The following ITCH variants were observed in gnomAD, a reference collection of about 807,000 sequenced individuals.
The protein encoded by ITCH is itchy E3 ubiquitin protein ligase.
A neutral mutation model predicts 126.8 loss-of-function variants in ITCH; 28 were observed. The observed-to-expected ratio is 0.22, with a 90% confidence interval of 0.16 to 0.30. The LOEUF (loss-of-function observed/expected upper bound fraction) is 0.30. Ranked by LOEUF, ITCH falls within the 10% of genes least tolerant of loss-of-function variation. ITCH has a pLI of 1.00. For missense variants in ITCH, 631 were observed against 1,032.4 expected (o/e 0.61, Z 5.33); for synonymous variants, 342 against 340.0 (o/e 1.01, Z -0.06).
At chr20:34,472,501 G>A (rs982539223) in intron 16 of ITCH, among the ~76,000 whole-genome samples, 1 of 151,742 alleles carries the variant, frequency 6.6e-6, no homozygotes, top group African/African-American at 2.4e-5. Context: ...AAAATAACTA[G>A]TGAAAAAATG....
At chr20:34,395,156 C>T (rs1211679917) in intron 3 of ITCH, among the ~76,000 whole-genome samples, 2 of 151,146 alleles carry the variant, frequency 1.3e-5, no homozygotes, top group Admixed American at 6.6e-5. Context: ...TCACTTGAAC[C>T]TAGGAGGCGG....
At chr20:34,408,601 A>G in intron 3 of ITCH, 50 bp from the exon 4 acceptor site, 1 of 1,505,254 alleles carries the variant, frequency 6.6e-7, no homozygotes. Context: ...TGATTTCATG[A>G]GTGAATTAAC....
At chr20:34,409,951 G>A (rs6059816) in intron 4 of ITCH, among the ~76,000 whole-genome samples, 2 of 151,946 alleles carry the variant, frequency 1.3e-5, no homozygotes, top group Non-Finnish European at 2.9e-5. Context: ...GATTGTGTGA[G>A]GCCAGGAGTT....
In ITCH at chr20:34,412,604, A is replaced by T; in HGVS notation, c.302A>T (p.Asp101Val). The T allele has an allele frequency of 6.2e-7, 1 of 1,605,110 alleles. No individual in the cohort carries two copies. Among genetic ancestry groups the T allele is most frequent in the Non-Finnish European group, 8.5e-7 (1 of 1,171,996 alleles). ...SDVLLGTAAL[D>V]IYETLKSNNM... ...GTTTTGTTGGGAACTGCTGCATTAG[A>T]TATTTATGAAACATTAAAGTCAAAC... Residue 101 changes from aspartate to valine, a missense_variant, in exon 5 of 25, where the codon GAT (aspartate) becomes GTT (valine). Transcript: ENST00000374864.
At chr20:34,393,967 C>G (rs903485079) in intron 3 of ITCH, 86 bp downstream of exon 3, 1 of 1,285,004 alleles carries the variant, frequency 7.8e-7, no homozygotes, top group Non-Finnish European at 1.1e-6. Flanking sequence ...CATGGTGGCC[C>G]ATGCCTGTAA....
chr20:34,438,686 T>A (rs533431913), intron 8 of ITCH, 55 bp downstream of exon 8: 1 of 1,580,862 alleles, frequency 6.3e-7, no homozygotes, highest in Non-Finnish European at 8.7e-7. Context: ...TGGCAATTAA[T>A]CCTCAGGTAA....
chr20:34,410,434 G>A (rs1308427710), intron 4 of ITCH, among the ~76,000 whole-genome samples: 1 of 151,186 alleles, frequency 6.6e-6, no homozygotes, highest in Admixed American at 6.6e-5. Flanking sequence ...CGTATCATTC[G>A]GATGTTCCTC....
chr20:34,447,238 T>G (rs1984577182), intron 11 of ITCH, among the ~76,000 whole-genome samples: 1 of 151,656 alleles, frequency 6.6e-6, no homozygotes, highest in Admixed American at 6.6e-5. Context: ...CAATCCAATA[T>G]AATCTGAACA....
chr20:34,412,510 T>G lies in ITCH; in HGVS notation c.213-5T>G, dbSNP rs1601838672. 1 of 1,580,978 alleles carries G rather than the reference T, an allele frequency of 6.3e-7. No homozygotes were observed. Among genetic ancestry groups the G allele is most frequent in the Non-Finnish European group, 8.7e-7 (1 of 1,150,094 alleles). ...AATATTTTTTCCCTCTTTTTTCACTTTTAGTATCGTTACCCCTGTGAGTAA... is the reference window on the plus strand; with the variant it reads ...AATATTTTTTCCCTCTTTTTTCACTGTTAGTATCGTTACCCCTGTGAGTAA... On this transcript the variant is annotated splice_polypyrimidine_tract_variant and splice_region_variant and intron_variant, in intron 4 of 24. Transcript: ENST00000374864.
At chr20:34,369,024 C>A (rs1032590047) in intron 1 of ITCH, among the ~76,000 whole-genome samples, 1 of 152,158 alleles carries the variant, frequency 6.6e-6, no homozygotes, top group Non-Finnish European at 1.5e-5. Context: ...CGTTGCAGAT[C>A]TGATGTGTTT....
chr20:34,398,614 G>T (rs1440758177), intron 3 of ITCH, among the ~76,000 whole-genome samples: 1 of 152,130 alleles, frequency 6.6e-6, no homozygotes, highest in East Asian at 1.9e-4. Context: ...GGTCAGGCTG[G>T]TCTTGAACTC....
At chr20:34,439,836 T>A (rs1036048079) in intron 8 of ITCH, among the ~76,000 whole-genome samples, 1 of 152,184 alleles carries the variant, frequency 6.6e-6, no homozygotes, top group African/African-American at 2.4e-5. Flanking sequence ...ATAAATGAAC[T>A]TAAAATACCA....
chr20:34,444,489 A>G (rs1984180168), intron 10 of ITCH, among the ~76,000 whole-genome samples: 1 of 152,178 alleles, frequency 6.6e-6, no homozygotes, highest in Admixed American at 6.5e-5. Flanking sequence ...AGGCTGAGGC[A>G]GGAGAATCGC....
chr20:34,417,038 T>C (rs1979964134), intron 6 of ITCH: 44 of 547,258 alleles, frequency 8.0e-5, no homozygotes, highest in South Asian at 6.6e-4. Context: ...GCCTCCAGAG[T>C]AGCTAGGATT....
At chr20:34,417,288 G>A (rs1007038062) in intron 6 of ITCH, 10 of 468,428 alleles carry the variant, frequency 2.1e-5, no homozygotes, top group Non-Finnish European at 3.9e-5. Context: ...GTAGAGACAG[G>A]GTTTCTCCGT....
At chr20:34,410,384 G>A (rs80197701) in intron 4 of ITCH, among the ~76,000 whole-genome samples, 710 of 29,406 alleles carry the variant, frequency 0.024, 4 homozygotes, top group African/African-American at 0.11. Flanking sequence ...AAAAAAGAGA[G>A]AAAAAAAAAA....
intron 23 of ITCH, among the ~76,000 whole-genome samples, chr20:34,503,609 A>C (rs190185182): frequency 2.0e-5 from 3 of 152,186 alleles, no homozygotes; most frequent in African/African-American, 7.2e-5. Flanking sequence ...TTGTCTTTCA[A>C]ACTACTAAAA....
intron 24 of ITCH, among the ~76,000 whole-genome samples, chr20:34,507,229 A>G (rs1247218713): frequency 7.1e-6 from 1 of 141,332 alleles, no homozygotes; most frequent in Admixed American, 7.2e-5. Context: ...ATTTCTCCAC[A>G]TCCTCACATC....
At chr20:34,490,515 T>G (rs1326084033) in intron 22 of ITCH, among the ~76,000 whole-genome samples, 3 of 152,024 alleles carry the variant, frequency 2.0e-5, no homozygotes, top group African/African-American at 7.2e-5. Flanking sequence ...TGGTGGCACA[T>G]GCCTGTAATC....
Sources: allele counts gnomAD v4.1 joint callset (sites outside exome capture counted in the v4.1 genomes callset), GRCh38; gene constraint gnomAD v4.1.1; transcripts MANE v1.5; gene names NCBI Gene and HGNC (gene_info 2026-07-23, HGNC 2026-07-21).